HDX: variants seen among roughly 807,000 people sequenced by gnomAD.
HDX encodes highly divergent homeobox.
Under a neutral mutation model 45.2 loss-of-function variants are expected in HDX, and 19 were observed. The observed-to-expected ratio is 0.42, with a 90% CI of 0.29 to 0.62. The LOEUF (loss-of-function observed/expected upper bound fraction) is 0.62, where lower values mean the gene tolerates loss of function less well. HDX is among the 20% of genes least tolerant of loss of function. HDX has a pLI of 0.20. For synonymous variants in HDX, 188 were observed against 172.8 expected (o/e 1.09, Z -0.69); for missense variants, 532 against 493.9 (o/e 1.08, Z -0.73).
At chrX:84,416,813 A>C (rs6623022) in intron 5 of HDX, among the ~76,000 whole-genome samples, 8,222 of 111,296 alleles carry the variant, frequency 0.074, 477 homozygotes, top group East Asian at 0.46. Context: ...TAATATAAAA[A>C]ATTATTAATA....
intron 2 of HDX, among the ~76,000 whole-genome samples, chrX:84,486,537 T>C (rs959423530): frequency 1.8e-5 from 2 of 111,862 alleles, no homozygotes; most frequent in African/African-American, 6.5e-5. Flanking sequence ...TAAGAATAGA[T>C]CTGTTTGCAA....
intron 4 of HDX, among the ~76,000 whole-genome samples, chrX:84,454,470 C>G (rs1418766779): frequency 9.0e-6 from 1 of 111,368 alleles, no homozygotes; most frequent in Non-Finnish European, 1.9e-5. Flanking sequence ...TGGTGGCGGC[C>G]AAGAGGTGAG....
At chrX:84,366,630 C>G (rs1483605599) in intron 5 of HDX, among the ~76,000 whole-genome samples, 1 of 111,486 alleles carries the variant, frequency 9.0e-6, no homozygotes, top group African/African-American at 3.3e-5. Flanking sequence ...GGTACCAAAA[C>G]AGACAAATAG....
Position 84,475,298 on chromosome X carries a change from T to C in HDX, c.100A>G (p.Ile34Val). The change falls in exon 3 of 11, where the codon ATA (isoleucine) becomes GTA (valine). Residue 34 changes from isoleucine to valine, a missense_variant. Physicochemically the swap from Ile to Val is conservative, Grantham distance 29 (BLOSUM62 3). Transcript: ENST00000373177. Reference protein sequence around the residue: ...TNQSKNCFQLILQCAQETKLD... With the variant: ...TNQSKNCFQLVLQCAQETKLD... ...TTAGTCTCCTGTGCACACTGTAATA[T>C]GAGCTGAAAGCAATTTTTACTTTGA... 8.3e-7 allele frequency: 1 copy of C among 1,198,921 alleles called. No individual in the cohort carries two copies.
chrX:84,329,544 T>C (rs1312196771), intron 9 of HDX, among the ~76,000 whole-genome samples: 1 of 111,892 alleles, frequency 8.9e-6, no homozygotes, highest in African/African-American at 3.2e-5. Context: ...TTATTTATAA[T>C]AGTCCCAAAC....
At chrX:84,418,473 C>A (rs1189478780) in intron 5 of HDX, among the ~76,000 whole-genome samples, 1 of 111,495 alleles carries the variant, frequency 9.0e-6, no homozygotes, top group East Asian at 2.8e-4. Flanking sequence ...TAACTGTGGT[C>A]TTTGCCATTA....
At chrX:84,477,693 A>C (rs1409901595) in intron 2 of HDX, among the ~76,000 whole-genome samples, 1 of 112,146 alleles carries the variant, frequency 8.9e-6, no homozygotes, top group East Asian at 2.8e-4. Context: ...CAAGATATTG[A>C]ATGACTGCAC....
chrX:84,396,398 G>A (rs9306606), intron 5 of HDX, among the ~76,000 whole-genome samples: 10,357 of 111,732 alleles, frequency 0.093, 709 homozygotes, highest in African/African-American at 0.24. Context: ...GTGAAGTTCT[G>A]CCTGAGACTG....
chrX:84,457,014 G>A (rs1476453049), intron 4 of HDX, among the ~76,000 whole-genome samples: 2 of 111,415 alleles, frequency 1.8e-5, no homozygotes, highest in Admixed American at 9.5e-5. Flanking sequence ...CTGCACCATA[G>A]ACCAAATAAA....
rs1363881779 is a variant in HDX, at chrX:84,423,499, AAAG to A, written c.1305+17030_1305+17032del. Among the ~76,000 whole-genome samples, 7 of 103,626 alleles carry A rather than the reference AAAG, an allele frequency of 6.8e-5. No individual in the cohort carries two copies. The East Asian group carries it at 2.3e-3, about 33-fold the overall frequency. 90.0% of individuals were successfully genotyped at this position (103,626 alleles called of 115,157 possible). A position where few individuals can be genotyped will look rare whatever the true frequency, so the allele number is the denominator to read the frequency against. ...CAGAAACATCAAAAAAAAAAAAAAAAAAGAGAGAGAGAGAGAAAACTGCAGGCC... is the reference window on the plus strand; with the variant it reads ...CAGAAACATCAAAAAAAAAAAAAAAAAGAGAGAGAGAGAAAACTGCAGGCC... On this transcript the variant is annotated intron_variant, in intron 5 of 10. Transcript: ENST00000373177.
intron 4 of HDX, among the ~76,000 whole-genome samples, chrX:84,460,929 A>G (rs189524749): frequency 8.9e-6 from 1 of 111,819 alleles, no homozygotes; most frequent in Admixed American, 9.5e-5. Context: ...CCCATTTACA[A>G]TAGCTACAAA....
chrX:84,369,913 T>C (rs5922972), intron 5 of HDX, among the ~76,000 whole-genome samples: 51,721 of 111,143 alleles, frequency 0.47, 9,003 homozygotes, highest in Middle Eastern at 0.73. Flanking sequence ...TTCTGAAATG[T>C]ATCTTTGTGG....
intron 5 of HDX, among the ~76,000 whole-genome samples, chrX:84,379,154 T>G (rs1447163524): frequency 9.1e-6 from 1 of 109,798 alleles, no homozygotes; most frequent in Non-Finnish European, 1.9e-5. Context: ...AAATTTGATT[T>G]TATATATATA....
At chrX:84,402,479 T>C (rs1297353970) in intron 5 of HDX, among the ~76,000 whole-genome samples, 1 of 112,075 alleles carries the variant, frequency 8.9e-6, no homozygotes, top group East Asian at 2.8e-4. Context: ...TTACCGTTTC[T>C]ATAGTTTGCC....
At chrX:84,372,855 T>A (rs754210157) in intron 5 of HDX, among the ~76,000 whole-genome samples, 1 of 111,166 alleles carries the variant, frequency 9.0e-6, no homozygotes, top group South Asian at 3.8e-4. Flanking sequence ...TAATAAAATG[T>A]TTATATAGCA....
Position 84,343,654 on chromosome X carries a change from A to G in HDX, c.1660+596T>C, listed in dbSNP as rs751456120. Reference sequence around the variant, plus strand: ...TAAAAGTGTTAATAAAAATATGTCAAAAGAGAATCCTATCTATGCTTGAGG... The same window carrying G: ...TAAAAGTGTTAATAAAAATATGTCAGAAGAGAATCCTATCTATGCTTGAGG... On this transcript the variant is annotated intron_variant, in intron 7 of 10. Coordinates refer to ENST00000373177, the MANE Select transcript of HDX (RefSeq NM_001177479.2). Among the ~76,000 whole-genome samples, 286 of 111,213 alleles carry G rather than the reference A, an allele frequency of 2.6e-3. 2 individuals are homozygous for G. The highest frequency in any genetic ancestry group is 9.0e-3 in the African/African-American group (277 of 30,704).
chrX:84,474,639 G>C (rs1006210906), intron 3 of HDX, among the ~76,000 whole-genome samples: 9 of 111,974 alleles, frequency 8.0e-5, no homozygotes, highest in African/African-American at 2.6e-4. Flanking sequence ...TCCGTGACCA[G>C]TTCTGTTAGA....
rs190014828 is a variant in HDX at position 84,459,585 on chromosome X, T to A, written c.1251+8887A>T. 7.2e-5 allele frequency among the ~76,000 whole-genome samples: 8 copies of A among 110,831 alleles called. No individual in the cohort carries two copies. In the East Asian group the frequency reaches 2.3e-3, roughly 31 times the overall value. Reference sequence around the variant, plus strand: ...AAGTTTAAAGCTGTAAGTGCCTACATTCAAAAAGTAGAGAAAATTTAGATA... The same window carrying A: ...AAGTTTAAAGCTGTAAGTGCCTACAATCAAAAAGTAGAGAAAATTTAGATA... On this transcript the variant is annotated intron_variant, in intron 4 of 10. Coordinates refer to ENST00000373177, the MANE Select transcript of HDX (RefSeq NM_001177479.2).
chrX:84,388,440 C>A (rs1015293753), intron 5 of HDX, among the ~76,000 whole-genome samples: 2 of 111,640 alleles, frequency 1.8e-5, no homozygotes, highest in Admixed American at 1.9e-4. Flanking sequence ...TGCTGATGAA[C>A]TGTAGATTTG....
Sources: gnomAD v4.1 joint callset for allele counts (sites outside exome capture counted in the v4.1 genomes callset) on GRCh38, gnomAD v4.1.1 for gene constraint, MANE v1.5 for transcripts, NCBI Gene and HGNC (gene_info 2026-07-23, HGNC 2026-07-21) for gene names.